OCA2: variants seen among roughly 807,000 people sequenced by gnomAD.
OCA2 encodes the protein OCA2 melanosomal transmembrane protein.
A neutral mutation model predicts 100.2 loss-of-function variants in OCA2; 77 were observed. That is an observed-to-expected ratio of 0.77 (90% CI 0.64 to 0.93). The LOEUF (loss-of-function observed/expected upper bound fraction) is 0.93. OCA2 is among the 40% of genes least tolerant of loss of function. The probability of loss-of-function intolerance (pLI) is 0.00; values close to 1 mark genes in which losing one functional copy is unlikely to be tolerated. For synonymous variants in OCA2, 432 were observed against 439.2 expected (o/e 0.98, Z 0.21); for missense variants, 1,062 against 1,089.1 (o/e 0.98, Z 0.35).
At chr15:28,012,253 T>C (rs755298719) in intron 9 of OCA2, among the ~76,000 whole-genome samples, 56 of 152,246 alleles carry the variant, frequency 3.7e-4, no homozygotes, top group African/African-American at 1.3e-3. Flanking sequence ...TACACACCAA[T>C]AGAAAGACCA....
chr15:27,770,275 G>A (rs1025899219), intron 23 of OCA2, among the ~76,000 whole-genome samples: 1 of 152,142 alleles, frequency 6.6e-6, no homozygotes. Context: ...CTGGTCGCGC[G>A]CGGGGCCACG....
chr15:27,971,127 G>C (rs1056253677), intron 14 of OCA2, among the ~76,000 whole-genome samples: 1 of 151,040 alleles, frequency 6.6e-6, no homozygotes, highest in Non-Finnish European at 1.5e-5. Context: ...GAACCTCCCA[G>C]CATGCAAGAC....
At chr15:27,984,955 C>T in intron 13 of OCA2, 109 bp downstream of exon 13, 1 of 1,365,822 alleles carries the variant, frequency 7.3e-7, no homozygotes. Flanking sequence ...CTCAACCGCC[C>T]CCACCTTTTC....
intron 23 of OCA2, among the ~76,000 whole-genome samples, chr15:27,827,557 GAA>G (rs550735795): frequency 8.2e-6 from 1 of 122,372 alleles, no homozygotes; most frequent in African/African-American, 2.6e-5. Context: ...GTCATTTAAG[GAA>G]AAAAAAAAAC....
At chr15:27,765,978 T>A (rs2031228581) in intron 23 of OCA2, among the ~76,000 whole-genome samples, 1 of 152,176 alleles carries the variant, frequency 6.6e-6, no homozygotes, top group Admixed American at 6.5e-5. Flanking sequence ...TTCCTGGGAA[T>A]GCTGCCCAGC....
At chr15:27,811,353 G>C (rs1269887434) in intron 23 of OCA2, among the ~76,000 whole-genome samples, 1 of 152,086 alleles carries the variant, frequency 6.6e-6, no homozygotes, top group Non-Finnish European at 1.5e-5. Flanking sequence ...GGATTTTGGA[G>C]ATTCAGAATG....
chr15:27,910,670 A>C (rs1289630420), intron 19 of OCA2, among the ~76,000 whole-genome samples: 1 of 150,584 alleles, frequency 6.6e-6, no homozygotes, highest in African/African-American at 2.5e-5. Flanking sequence ...AAAAAAAAAA[A>C]CATACGGCTG....
chr15:27,827,193 G>A (rs1377233615), intron 23 of OCA2, among the ~76,000 whole-genome samples: 1 of 152,194 alleles, frequency 6.6e-6, no homozygotes, highest in Non-Finnish European at 1.5e-5. Flanking sequence ...CGGCACATCT[G>A]ACAATTACAC....
chr15:27,840,937 T>C (rs2151360881), intron 23 of OCA2, among the ~76,000 whole-genome samples: 1 of 152,322 alleles, frequency 6.6e-6, no homozygotes, highest in South Asian at 2.1e-4. Flanking sequence ...TTTTGACACA[T>C]TGGGCCTCAT....
intron 2 of OCA2, among the ~76,000 whole-genome samples, chr15:28,073,007 C>T (rs531521716): frequency 2.0e-4 from 31 of 152,328 alleles, no homozygotes; most frequent in African/African-American, 5.8e-4. Context: ...ATGTTCATCA[C>T]TGCACTATTC....
intron 23 of OCA2, among the ~76,000 whole-genome samples, chr15:27,840,326 A>G: frequency 6.6e-6 from 1 of 152,220 alleles, no homozygotes; most frequent in East Asian, 1.9e-4. Context: ...ATCACAAGCC[A>G]CTAATCAAAA....
intron 19 of OCA2, among the ~76,000 whole-genome samples, chr15:27,918,242 T>C (rs1447777685): frequency 6.6e-6 from 1 of 151,962 alleles, no homozygotes; most frequent in Non-Finnish European, 1.5e-5. Flanking sequence ...TGGCTAATTA[T>C]TGTATTTTTA....
At chr15:27,921,550 G>C (rs1049115676) in intron 19 of OCA2, among the ~76,000 whole-genome samples, 1 of 151,974 alleles carries the variant, frequency 6.6e-6, no homozygotes. Flanking sequence ...CACACAAACT[G>C]ACCCTCAAAC....
At chr15:27,738,351 C>T in the OCA2 span, among the ~76,000 whole-genome samples, 1 of 152,164 alleles carries the variant, frequency 6.6e-6, no homozygotes, top group African/African-American at 2.4e-5. Flanking sequence ...CTGCTACGTG[C>T]CAAGACCACC....
chr15:27,927,062 G>A (rs904405250), intron 18 of OCA2, among the ~76,000 whole-genome samples: 2 of 152,202 alleles, frequency 1.3e-5, no homozygotes, highest in Admixed American at 1.3e-4. Flanking sequence ...GGCCCAGGCA[G>A]GCAGATCACC....
chr15:27,902,450 C>T (rs2037987602), intron 19 of OCA2, among the ~76,000 whole-genome samples: 1 of 152,102 alleles, frequency 6.6e-6, no homozygotes, highest in Non-Finnish European at 1.5e-5. Context: ...TTTTCCTTTT[C>T]CCAAATTAAA....
At chr15:27,815,834 G>T (rs2034276506) in intron 23 of OCA2, among the ~76,000 whole-genome samples, 1 of 152,214 alleles carries the variant, frequency 6.6e-6, no homozygotes, top group Non-Finnish European at 1.5e-5. Flanking sequence ...GTTTTACAAA[G>T]AAAATAATCA....
chr15:27,872,471 C>T (rs549992484), intron 19 of OCA2, among the ~76,000 whole-genome samples: 45 of 152,062 alleles, frequency 3.0e-4, no homozygotes, highest in Admixed American at 5.2e-4. Flanking sequence ...GAAGATGAGA[C>T]GCAGGAGCCT....
At chr15:28,015,885 A>C (rs1031318565) in intron 8 of OCA2, among the ~76,000 whole-genome samples, 5 of 152,218 alleles carry the variant, frequency 3.3e-5, no homozygotes, top group Non-Finnish European at 7.3e-5. Context: ...TTTGTTTCAA[A>C]GTGACTTCTG....
Sources: allele counts gnomAD v4.1 joint callset (sites outside exome capture counted in the v4.1 genomes callset), GRCh38; gene constraint gnomAD v4.1.1; transcripts MANE v1.5; gene names NCBI Gene and HGNC (gene_info 2026-07-23, HGNC 2026-07-21).